The following C12orf42 variants were observed in gnomAD, a reference collection of about 807,000 sequenced individuals.
C12orf42 encodes the protein uncharacterized protein C12orf42.
Under a neutral mutation model 21.6 loss-of-function variants are expected in C12orf42, and 25 were observed. The observed-to-expected ratio is 1.16, with a 90% CI of 0.84 to 1.62. C12orf42 has a LOEUF of 1.62. Ranked by LOEUF, C12orf42 falls within the 40% of genes most tolerant of loss-of-function variation. The pLI is 0.00. For missense variants in C12orf42, 483 were observed against 459.3 expected, an observed-to-expected ratio of 1.05 and a Z score of -0.47; for synonymous variants, 174 against 175.0, an observed-to-expected ratio of 0.99 and a Z score of 0.05.
chr12:103,261,889 G>T (rs2034918776), intron 10 of C12orf42, among the ~76,000 whole-genome samples: 2 of 152,104 alleles, frequency 1.3e-5, no homozygotes, highest in Non-Finnish European at 2.9e-5. Context: ...ATTTTGCTAG[G>T]GTTTGAAAAA....
At chr12:103,556,285 G>A in the C12orf42 span, among the ~76,000 whole-genome samples, 161 of 152,252 alleles carry the variant, frequency 1.1e-3, no homozygotes, top group African/African-American at 3.8e-3. Flanking sequence ...ACCAGTATAA[G>A]CACTCAAAGA....
At chr12:103,416,985 A>C (rs190777004) in intron 2 of C12orf42, among the ~76,000 whole-genome samples, 25 of 152,314 alleles carry the variant, frequency 1.6e-4, no homozygotes, top group Middle Eastern at 6.8e-3. Context: ...TCAAACATGG[A>C]CTTTGATAAT....
chr12:103,435,560 G>A (rs1427993195), intron 2 of C12orf42, among the ~76,000 whole-genome samples: 1 of 152,194 alleles, frequency 6.6e-6, no homozygotes, highest in Non-Finnish European at 1.5e-5. Flanking sequence ...GCTTAAAGGA[G>A]GTGATGGAGC....
At chr12:103,304,873 T>C (rs1050436551) in intron 5 of C12orf42, among the ~76,000 whole-genome samples, 4 of 152,226 alleles carry the variant, frequency 2.6e-5, no homozygotes, top group Non-Finnish European at 5.9e-5. Flanking sequence ...GTACATTCTC[T>C]TCTAGTTCAA....
intron 10 of C12orf42, among the ~76,000 whole-genome samples, chr12:103,245,075 G>T (rs75502828): frequency 1.3e-5 from 2 of 152,120 alleles, no homozygotes; most frequent in Admixed American, 6.6e-5. Flanking sequence ...CATCTAAAAT[G>T]AATAGAATTG....
intron 2 of C12orf42, among the ~76,000 whole-genome samples, chr12:103,434,779 A>T (rs1245986140): frequency 1.3e-5 from 2 of 152,186 alleles, no homozygotes; most frequent in African/African-American, 2.4e-5. Flanking sequence ...GATTGCTAGC[A>T]CAGCAGTCTG....
chr12:103,081,200 C>A, the C12orf42 span: 1 of 152,122 alleles, frequency 6.6e-6, no homozygotes. Flanking sequence ...AAATATTTAG[C>A]GAACATTATA....
chr12:103,319,242 G>A lies in C12orf42; in HGVS notation c.260-12897C>T, dbSNP rs149896705. Among the ~76,000 whole-genome samples, 125 of 152,276 alleles carry A rather than the reference G, an allele frequency of 8.2e-4. 1 individual carries two copies. Among genetic ancestry groups the A allele is most frequent in the African/African-American group, 2.4e-3 (99 of 41,554 alleles). On this transcript the variant is annotated intron_variant, in intron 4 of 5. Transcript: ENST00000548883. ...GTGTTTATTCTTTAAGAAAAAAAGCGAAAATGTTTTCCCCTCATGCTAGAG... is the reference window on the plus strand; with the variant it reads ...GTGTTTATTCTTTAAGAAAAAAAGCAAAAATGTTTTCCCCTCATGCTAGAG...
the C12orf42 span, among the ~76,000 whole-genome samples, chr12:103,059,937 C>T: frequency 6.6e-6 from 1 of 152,188 alleles, no homozygotes; most frequent in Non-Finnish European, 1.5e-5. Flanking sequence ...ACGATGCCGT[C>T]TCTCACCACT....
chr12:103,300,501 T>C (rs2037576721), downstream of C12orf42, among the ~76,000 whole-genome samples: 1 of 152,268 alleles, frequency 6.6e-6, no homozygotes, highest in South Asian at 2.1e-4. Flanking sequence ...TCTCTCCTTC[T>C]GTTTTGCATT....
the C12orf42 span, among the ~76,000 whole-genome samples, chr12:103,153,669 A>C: frequency 1.3e-5 from 2 of 152,182 alleles, no homozygotes; most frequent in African/African-American, 4.8e-5. Flanking sequence ...AGTATCTAAA[A>C]GGATGTGGAA....
chr12:103,534,081 A>G, the C12orf42 span, among the ~76,000 whole-genome samples: 34,623 of 152,228 alleles, frequency 0.23, 4,281 homozygotes, highest in Non-Finnish European at 0.27. Flanking sequence ...CTTCAATTCA[A>G]TCAACAAAAA....
chr12:103,086,861 A>G, the C12orf42 span, among the ~76,000 whole-genome samples: 1 of 152,070 alleles, frequency 6.6e-6, no homozygotes, highest in South Asian at 2.1e-4. Flanking sequence ...GGAAGCAGGG[A>G]AGGCTTAAGT....
chr12:103,068,949 ATATAT>A, the C12orf42 span, among the ~76,000 whole-genome samples: 1 of 65,156 alleles, frequency 1.5e-5, no homozygotes, highest in Non-Finnish European at 2.9e-5. Flanking sequence ...ATATATATAT[ATATAT>A]ATATATATAT....
At chr12:103,477,313 G>A (rs1451190205) in intron 2 of C12orf42, among the ~76,000 whole-genome samples, 1 of 152,102 alleles carries the variant, frequency 6.6e-6, no homozygotes, top group African/African-American at 2.4e-5. Context: ...GAATCTCTCG[G>A]TGAAAGTGTT....
At chr12:103,505,739 T>C in the C12orf42 span, 1 of 208,212 alleles carries the variant, frequency 4.8e-6, no homozygotes, top group African/African-American at 2.4e-5. Context: ...GGGATTTTGT[T>C]CTTTCTGTCA....
At chr12:103,434,580 C>T (rs931456104) in intron 2 of C12orf42, among the ~76,000 whole-genome samples, 40 of 152,290 alleles carry the variant, frequency 2.6e-4, no homozygotes, top group Non-Finnish European at 5.1e-4. Flanking sequence ...GAGGCATTGC[C>T]TCACCTGGGA....
chr12:103,457,361 G>A (rs568647767), intron 2 of C12orf42, among the ~76,000 whole-genome samples: 1 of 152,240 alleles, frequency 6.6e-6, no homozygotes, highest in Admixed American at 6.5e-5. Flanking sequence ...GTTTCTCTTG[G>A]AAATTAACTT....
At chr12:103,052,545 G>T in the C12orf42 span, among the ~76,000 whole-genome samples, 5 of 151,908 alleles carry the variant, frequency 3.3e-5, no homozygotes, top group African/African-American at 9.7e-5. Flanking sequence ...CTGATTCAAA[G>T]GAGTTATTTA....
Sources: gnomAD v4.1 joint callset for allele counts (sites outside exome capture counted in the v4.1 genomes callset) on GRCh38, gnomAD v4.1.1 for gene constraint, MANE v1.5 for transcripts, NCBI Gene and HGNC (gene_info 2026-07-23, HGNC 2026-07-21) for gene names.